Variants in TMEM242 observed in about 807,000 individuals in gnomAD.
TMEM242 encodes the protein transmembrane protein 242.
TMEM242 carries 10 observed loss-of-function variants against 18.2 expected under a neutral mutation model. That is an observed-to-expected ratio of 0.55 (90% CI 0.34 to 0.93). TMEM242 has a LOEUF of 0.93. Among genes scored for constraint, TMEM242 ranks in the 40% least tolerant of loss-of-function variants. The probability of loss-of-function intolerance (pLI) is 0.02; values close to 1 mark genes in which losing one functional copy is unlikely to be tolerated. For missense variants in TMEM242, 186 were observed against 175.5 expected (o/e 1.06, Z -0.34); for synonymous variants, 57 against 69.9 (o/e 0.81, Z 0.92).
chr6:157,309,826 G>GT (rs1238100230), intron 3 of TMEM242, among the ~76,000 whole-genome samples: 1 of 147,450 alleles, frequency 6.8e-6, no homozygotes, highest in Non-Finnish European at 1.5e-5. Flanking sequence ...TTCACTGATG[G>GT]TTTTTTATTA....
chr6:157,322,852 T>C, intron 1 of TMEM242, 47 bp from the exon 2 acceptor site: 2 of 1,482,740 alleles, frequency 1.3e-6, no homozygotes, highest in South Asian at 1.2e-5. Flanking sequence ...AAAAATTAAA[T>C]AAAAAGAGGT....
chr6:157,299,452 G>A (rs1295538983), intron 3 of TMEM242: 18 of 1,355,696 alleles, frequency 1.3e-5, no homozygotes, highest in East Asian at 4.6e-5. Flanking sequence ...GGATCCATCC[G>A]TGGCAGTTTT....
At chr6:157,314,529 G>A (rs1235877591) in intron 3 of TMEM242, among the ~76,000 whole-genome samples, 1 of 152,210 alleles carries the variant, frequency 6.6e-6, no homozygotes, top group Non-Finnish European at 1.5e-5. Context: ...AACACAAACT[G>A]AACAGTCAAG....
At chr6:157,322,454 T>G (rs1554250793) in intron 2 of TMEM242, among the ~76,000 whole-genome samples, 1 of 152,210 alleles carries the variant, frequency 6.6e-6, no homozygotes. Context: ...AAAGTCATGT[T>G]GTGAATAGGA....
chr6:157,314,541 C>T (rs1357781638), intron 3 of TMEM242, among the ~76,000 whole-genome samples: 1 of 152,156 alleles, frequency 6.6e-6, no homozygotes, highest in Non-Finnish European at 1.5e-5. Context: ...ACAGTCAAGC[C>T]GTGCTTGTTG....
At chr6:157,310,443 CACTCACCTA>C (rs1777990287) in intron 3 of TMEM242, among the ~76,000 whole-genome samples, 1 of 145,482 alleles carries the variant, frequency 6.9e-6, no homozygotes, top group Non-Finnish European at 1.5e-5. Context: ...TCCCAGTGTG[CACTCACCTA>C]GCCTCATCAC....
intron 2 of TMEM242, among the ~76,000 whole-genome samples, chr6:157,321,225 G>C (rs1482730285): frequency 6.6e-6 from 1 of 151,962 alleles, no homozygotes; most frequent in Non-Finnish European, 1.5e-5. Context: ...AGCAAGGATG[G>C]TCTCAGTCTC....
intron 3 of TMEM242, among the ~76,000 whole-genome samples, chr6:157,301,612 G>A (rs374170588): frequency 4.6e-5 from 7 of 152,120 alleles, no homozygotes; most frequent in South Asian, 4.1e-4. Flanking sequence ...GCGCCTGGCC[G>A]AAAAGCTATT....
At chr6:157,310,430 G>C (rs1047777603) in intron 3 of TMEM242, among the ~76,000 whole-genome samples, 19 of 147,456 alleles carry the variant, frequency 1.3e-4, no homozygotes, top group African/African-American at 4.5e-4. Flanking sequence ...CCTCATCATA[G>C]TGTCCCAGTG....
At chr6:157,313,109 TG>T (rs1778244400) in intron 3 of TMEM242, among the ~76,000 whole-genome samples, 1 of 144,772 alleles carries the variant, frequency 6.9e-6, no homozygotes, top group African/African-American at 2.6e-5. Context: ...AGTGTCCCAG[TG>T]TGTGCTCACC....
chr6:157,313,039 AGTGTGCACTCACCTGGCCTCATCATAGGG>A (rs1778236912), intron 3 of TMEM242, among the ~76,000 whole-genome samples: 2 of 152,178 alleles, frequency 1.3e-5, no homozygotes, highest in Non-Finnish European at 2.9e-5. Context: ...ATAGTGTCCC[AGTGTGCACTCACCTGGCCTCATCATAGGG>A]TCCCAGTATG....
chr6:157,306,796 A>T (rs1282390173), intron 3 of TMEM242, among the ~76,000 whole-genome samples: 2 of 152,238 alleles, frequency 1.3e-5, no homozygotes, highest in East Asian at 3.8e-4. Context: ...ATAAAGGAAG[A>T]ACTATAAAAG....
intron 3 of TMEM242, among the ~76,000 whole-genome samples, chr6:157,303,949 A>G (rs587671403): frequency 1.2e-4 from 18 of 152,314 alleles, no homozygotes; most frequent in African/African-American, 4.3e-4. Context: ...AATAAAGGCA[A>G]AAAGTCAATT....
At chr6:157,310,119 A>G (rs1301489575) in intron 3 of TMEM242, among the ~76,000 whole-genome samples, 1 of 152,228 alleles carries the variant, frequency 6.6e-6, no homozygotes, top group Non-Finnish European at 1.5e-5. Context: ...TAGTCTAGCT[A>G]TAAATAACCT....
rs1554250878 is a variant in TMEM242, at chr6:157,323,457, G to C, written c.43C>G (p.Leu15Val). The change falls in exon 1 of 4, where the codon CTG becomes GTG. Residue 15 changes from leucine to valine, a missense_variant. Coordinates refer to ENST00000400788, the MANE Select transcript of TMEM242 (RefSeq NM_018452.6). ...GAATGQPASG[L>V]EAPGSTNDRL... ...TCATTCGTGGACCCCGGAGCCTCCA[G>C]CCCAGAGGCCGGCTGCCCAGTTGCA... 1 of 1,614,084 alleles carries C rather than the reference G, an allele frequency of 6.2e-7. No individual in the cohort carries two copies.
chr6:157,322,492 T>C (rs1242879913), intron 2 of TMEM242, among the ~76,000 whole-genome samples: 1 of 152,230 alleles, frequency 6.6e-6, no homozygotes, highest in African/African-American at 2.4e-5. Flanking sequence ...TTCAAAGTCT[T>C]GTTCCGCTAA....
At chr6:157,313,529 G>C (rs1323829147) in intron 3 of TMEM242, among the ~76,000 whole-genome samples, 1 of 17,432 alleles carries the variant, frequency 5.7e-5, no homozygotes, top group Admixed American at 5.3e-4. Flanking sequence ...GCAGTCATCT[G>C]GCGTCATCAT....
intron 3 of TMEM242, among the ~76,000 whole-genome samples, chr6:157,301,068 C>T (rs1444226316): frequency 6.6e-6 from 1 of 151,940 alleles, no homozygotes; most frequent in Non-Finnish European, 1.5e-5. Context: ...AAATGCATAC[C>T]CTAATAAGCC....
At position 157,311,978 on chromosome 6, in the gene TMEM242, A is replaced by G. The variant is rs587595391; in HGVS notation, c.327+6804T>C. On this transcript the variant is annotated intron_variant, in intron 3 of 3. Transcript: ENST00000400788. ...TCCCAGTGTGCAATCACCTGGCCTC[A>G]TCATAGTGCCCCAGTGAGCACTCAC... is the stretch of plus-strand genomic sequence containing the variant. Among the ~76,000 whole-genome samples, 8 of 45,736 alleles carry G rather than the reference A, an allele frequency of 1.7e-4. 1 individual carries two copies. Among genetic ancestry groups the G allele is most frequent in the African/African-American group, 8.4e-4 (7 of 8,286 alleles). 30.0% of individuals were successfully genotyped at this position (45,736 alleles called of 152,430 possible).
Sources: gnomAD v4.1 joint callset for allele counts (sites outside exome capture counted in the v4.1 genomes callset) on GRCh38, gnomAD v4.1.1 for gene constraint, MANE v1.5 for transcripts, NCBI Gene and HGNC (gene_info 2026-07-23, HGNC 2026-07-21) for gene names.